GOLPH3L: variants seen among roughly 807,000 people sequenced by gnomAD.
GOLPH3L encodes Golgi phosphoprotein 3-like.
Under a neutral mutation model 30.3 loss-of-function variants are expected in GOLPH3L, and 22 were observed. The observed-to-expected ratio is 0.73, with a 90% CI of 0.52 to 1.04. GOLPH3L has a LOEUF of 1.04. GOLPH3L is among the 50% of genes least tolerant of loss of function. The pLI is 0.00. For synonymous variants in GOLPH3L, 120 were observed against 128.2 expected, an observed-to-expected ratio of 0.94 and a Z score of 0.43; for missense variants, 303 against 345.8, an observed-to-expected ratio of 0.88 and a Z score of 0.98.
chr1:150,691,223 C>T (rs587662755), intron 2 of GOLPH3L, among the ~76,000 whole-genome samples: 174 of 151,558 alleles, frequency 1.1e-3, no homozygotes, highest in African/African-American at 4.0e-3. Context: ...GTAGTTTACG[C>T]CTGTAATCCC....
intron 3 of GOLPH3L, 109 bp downstream of exon 3, chr1:150,663,523 G>A (rs901602057): frequency 1.8e-5 from 18 of 990,832 alleles, no homozygotes; most frequent in African/African-American, 8.2e-5. Context: ...GAACTGCTGA[G>A]TCAGTGATAT....
chr1:150,655,657 A>G (rs955625483), intron 4 of GOLPH3L, among the ~76,000 whole-genome samples: 6 of 152,232 alleles, frequency 3.9e-5, no homozygotes, highest in Non-Finnish European at 7.3e-5. Flanking sequence ...AACGATGGCC[A>G]CTAAGTAAAG....
intron 2 of GOLPH3L, among the ~76,000 whole-genome samples, chr1:150,677,420 T>G (rs1368032038): frequency 6.6e-6 from 1 of 151,522 alleles, no homozygotes; most frequent in African/African-American, 2.4e-5. Flanking sequence ...GTATTTTTAG[T>G]AGAGATGGGG....
intron 1 of GOLPH3L, 129 bp from the exon 2 acceptor site, chr1:150,694,979 G>GA: frequency 1.6e-6 from 1 of 608,602 alleles, no homozygotes; most frequent in Non-Finnish European, 2.8e-6. Context: ...AAGAAAGGAA[G>GA]GAGTAATGAC....
chr1:150,664,246 C>T (rs973138965), intron 2 of GOLPH3L, among the ~76,000 whole-genome samples: 2 of 152,114 alleles, frequency 1.3e-5, no homozygotes, highest in African/African-American at 4.8e-5. Flanking sequence ...TCAAGCTATC[C>T]TCCCACCTTG....
intron 4 of GOLPH3L, among the ~76,000 whole-genome samples, chr1:150,660,067 A>G (rs191747387): frequency 4.1e-4 from 62 of 152,206 alleles, no homozygotes; most frequent in Admixed American, 4.1e-3. Flanking sequence ...AACAACAACA[A>G]AACAATCAAA....
intron 2 of GOLPH3L, among the ~76,000 whole-genome samples, chr1:150,679,943 T>TA (rs1650910597): frequency 2.0e-5 from 3 of 151,840 alleles, no homozygotes; most frequent in Admixed American, 6.6e-5. Flanking sequence ...TGTCTCTATT[T>TA]TAAAAAAAGA....
chr1:150,665,412 GA>G (rs1650477056), intron 2 of GOLPH3L, among the ~76,000 whole-genome samples: 1 of 151,832 alleles, frequency 6.6e-6, no homozygotes, highest in African/African-American at 2.4e-5. Context: ...CTGTAGACTT[GA>G]ACTCCAGGGC....
At chr1:150,686,193 CAA>C (rs1651083129) in intron 2 of GOLPH3L, among the ~76,000 whole-genome samples, 1 of 151,812 alleles carries the variant, frequency 6.6e-6, no homozygotes, top group Non-Finnish European at 1.5e-5. Context: ...TTTTAAACTG[CAA>C]AGTCAGATAT....
At chr1:150,691,668 T>C (rs1485236168) in intron 2 of GOLPH3L, among the ~76,000 whole-genome samples, 1 of 152,164 alleles carries the variant, frequency 6.6e-6, no homozygotes, top group Non-Finnish European at 1.5e-5. Context: ...TAATCACTAT[T>C]CTAAAAACTA....
chr1:150,648,701 G>A lies in GOLPH3L; in HGVS notation c.478C>T (p.Arg160Ter), dbSNP rs770173895. Reference sequence around the variant, plus strand: ...ACTAGGTTCTTTGCGATGCGCTCTCGTACATTTCTCAGCTGGTACTGTAAT... The same window carrying A: ...ACTAGGTTCTTTGCGATGCGCTCTCATACATTTCTCAGCTGGTACTGTAAT... ...FKLQYQLRNV[R>*]ERIAKNLVEK... The change falls in exon 5 of 5, where the codon CGA becomes TGA. Residue 160 changes from arginine (R) to a stop codon, truncating the protein, a stop_gained. Coordinates refer to ENST00000271732, the MANE Select transcript of GOLPH3L (RefSeq NM_018178.6). LOFTEE classifies it high-confidence loss of function. 7 of 1,612,070 alleles carry A rather than the reference G, an allele frequency of 4.3e-6. No individual in the cohort carries two copies. Among genetic ancestry groups the A allele is most frequent in the East Asian group, 4.5e-5 (2 of 44,878 alleles).
intron 2 of GOLPH3L, among the ~76,000 whole-genome samples, chr1:150,671,407 T>C (rs1340674770): frequency 6.6e-6 from 1 of 152,170 alleles, no homozygotes; most frequent in Non-Finnish European, 1.5e-5. Flanking sequence ...AATTTCCACT[T>C]AGTCAAGTAT....
chr1:150,672,580 G>A (rs1346883117), intron 2 of GOLPH3L, among the ~76,000 whole-genome samples: 1 of 152,136 alleles, frequency 6.6e-6, no homozygotes, highest in Admixed American at 6.6e-5. Context: ...ACAGGGGCCT[G>A]CCACCACATT....
At chr1:150,663,052 AGAGACG>A (rs1363298624) in intron 3 of GOLPH3L, among the ~76,000 whole-genome samples, 7 of 138,466 alleles carry the variant, frequency 5.1e-5, no homozygotes, top group African/African-American at 1.6e-4. Context: ...TTTTTTTTTT[AGAGACG>A]GAGTCTTGCA....
chr1:150,694,603 C>T (rs1418056216), intron 2 of GOLPH3L, 53 bp downstream of exon 2: 1 of 1,122,372 alleles, frequency 8.9e-7, no homozygotes, highest in Admixed American at 2.3e-5. Flanking sequence ...CTTCCTAAAA[C>T]ATTCCAATAT....
At chr1:150,662,577 T>C (rs1003005370) in intron 3 of GOLPH3L, among the ~76,000 whole-genome samples, 9 of 152,028 alleles carry the variant, frequency 5.9e-5, no homozygotes, top group African/African-American at 2.2e-4. Flanking sequence ...ATTAATCTCA[T>C]GAAGGTGACA....
chr1:150,683,488 A>G (rs1307116044), intron 2 of GOLPH3L, among the ~76,000 whole-genome samples: 1 of 142,422 alleles, frequency 7.0e-6, no homozygotes, highest in Non-Finnish European at 1.5e-5. Flanking sequence ...GTGAGCCGAG[A>G]TCGCGCCACT....
At chr1:150,682,623 C>CAAAAA (rs145118551) in intron 2 of GOLPH3L, among the ~76,000 whole-genome samples, 4 of 50,316 alleles carry the variant, frequency 7.9e-5, no homozygotes, top group East Asian at 6.8e-4. Context: ...GACTCTTTCT[C>CAAAAA]AAAAAAAAAA....
At chr1:150,666,692 T>G (rs1650515970) in intron 2 of GOLPH3L, among the ~76,000 whole-genome samples, 1 of 152,204 alleles carries the variant, frequency 6.6e-6, no homozygotes, top group African/African-American at 2.4e-5. Flanking sequence ...AAACTAACCC[T>G]GAGATTTTGA....
Sources: gnomAD v4.1 joint callset for allele counts (sites outside exome capture counted in the v4.1 genomes callset) on GRCh38, gnomAD v4.1.1 for gene constraint, MANE v1.5 for transcripts, NCBI Gene and HGNC (gene_info 2026-07-23, HGNC 2026-07-21) for gene names.